The following ANKS1B variants were observed in gnomAD, a reference collection of about 807,000 sequenced individuals.
The protein encoded by ANKS1B is ankyrin repeat and sterile alpha motif domain-containing protein 1B.
A neutral mutation model predicts 148.3 loss-of-function variants in ANKS1B; 36 were observed. That is an observed-to-expected ratio of 0.24 (90% CI 0.19 to 0.32). The LOEUF (loss-of-function observed/expected upper bound fraction) is 0.32. Among genes scored for constraint, ANKS1B ranks in the 10% least tolerant of loss-of-function variants. The pLI is 1.00. For synonymous variants in ANKS1B, 542 were observed against 560.8 expected (o/e 0.97, Z 0.47); for missense variants, 1,157 against 1,542.6 (o/e 0.75, Z 4.19).
intron 12 of ANKS1B, among the ~76,000 whole-genome samples, chr12:99,251,291 A>G (rs1602079302): frequency 6.6e-6 from 1 of 152,172 alleles, no homozygotes; most frequent in Non-Finnish European, 1.5e-5. Flanking sequence ...TTTCATTTTT[A>G]TAAAGAAATA....
intron 17 of ANKS1B, among the ~76,000 whole-genome samples, chr12:98,872,465 C>A (rs1372199501): frequency 1.3e-5 from 2 of 152,008 alleles, no homozygotes; most frequent in Admixed American, 1.3e-4. Flanking sequence ...CTTGAGTCCA[C>A]GAGTTGGAGG....
At chr12:99,672,439 C>T (rs1599349789) in intron 8 of ANKS1B, among the ~76,000 whole-genome samples, 1 of 152,228 alleles carries the variant, frequency 6.6e-6, no homozygotes. Context: ...ACATATCTGA[C>T]CCTGTGCCAC....
Position 98,744,096 on chromosome 12 carries a change from AGCTCCTATTAACTTT to A in ANKS1B, c.*1628_*1642del, listed in dbSNP as rs1320757666. ...TACACATATGCTTCTGTTTCAGCAA[AGCTCCTATTAACTTT>A]GCTCCTATACAATTGCCTCCTGGTA... is the stretch of plus-strand genomic sequence containing the variant. On this transcript the variant is annotated 3_prime_UTR_variant, in exon 27 of 27. Transcript: ENST00000683438. The A allele has an allele frequency of 9.1e-6, 9 of 985,186 alleles. No homozygotes were observed. Among genetic ancestry groups the A allele is most frequent in the African/African-American group, 1.7e-5 (1 of 57,228 alleles). 61.0% of individuals were successfully genotyped at this position (985,186 alleles called of 1,614,324 possible).
In ANKS1B at chr12:99,246,467, T is replaced by C; in HGVS notation, c.2154A>G (p.Arg718=). The C allele has an allele frequency of 6.2e-7, 1 of 1,613,814 alleles. No homozygotes were observed. The highest frequency in any genetic ancestry group is 8.5e-7 in the Non-Finnish European group (1 of 1,179,838). Reference sequence around the variant, plus strand: ...TCAAGGCTTTAGGCAATGACCTTATTCTCCCCAGAGTACAGGCTCTCTCCA... The same window carrying C: ...TCAAGGCTTTAGGCAATGACCTTATCCTCCCCAGAGTACAGGCTCTCTCCA... The part of the protein sequence containing the change: ...GFVERACTLG[R]IRSLPKALID... Residue 718 remains arginine, a synonymous_variant, in exon 13 of 27, where the codon AGA becomes AGG. Coordinates refer to ENST00000683438, the MANE Select transcript of ANKS1B (RefSeq NM_001352186.2).
chr12:99,885,138 T>G lies in ANKS1B; in HGVS notation c.135-59749A>C, dbSNP rs560690547. Among the ~76,000 whole-genome samples the G allele has an allele frequency of 3.9e-5, 6 of 152,170 alleles. No individual in the cohort carries two copies. The South Asian group carries it at 1.0e-3, about 26-fold the overall frequency. ...TCACATTCTATTTCTTCTGAAATGTTTCTTCCCATCCTCTCTTCCCTACTT... is the reference window on the plus strand; with the variant it reads ...TCACATTCTATTTCTTCTGAAATGTGTCTTCCCATCCTCTCTTCCCTACTT... On this transcript the variant is annotated intron_variant, in intron 1 of 26. Transcript: ENST00000683438.
rs1371349961 is a variant in ANKS1B at position 99,664,806 on chromosome 12, C to T, written c.1129-9596G>A. 2.6e-5 allele frequency among the ~76,000 whole-genome samples: 4 copies of T among 152,266 alleles called. No individual in the cohort carries two copies. In the East Asian group the frequency reaches 5.8e-4, roughly 22 times the overall value. Reference sequence around the variant, plus strand: ...ATAAGTTTTCTGTAAAGCTTATTAACACTAAACATCTGTTTAAAATTTTCT... The same window carrying T: ...ATAAGTTTTCTGTAAAGCTTATTAATACTAAACATCTGTTTAAAATTTTCT... On this transcript the variant is annotated intron_variant, in intron 8 of 26. Transcript: ENST00000683438.
chr12:98,736,765 T>C (rs186603895), intron 9 of ANKS1B, among the ~76,000 whole-genome samples: 2 of 152,266 alleles, frequency 1.3e-5, no homozygotes, highest in South Asian at 2.1e-4. Flanking sequence ...AGTTGCAAAT[T>C]AGTGTGGTAA....
chr12:99,953,051 A>T (rs1390252846), intron 1 of ANKS1B, among the ~76,000 whole-genome samples: 1 of 152,212 alleles, frequency 6.6e-6, no homozygotes, highest in Non-Finnish European at 1.5e-5. Flanking sequence ...GCTCAAGATA[A>T]AGGTCAGAAT....
chr12:99,553,587 C>T (rs910897108), intron 9 of ANKS1B, among the ~76,000 whole-genome samples: 1 of 152,136 alleles, frequency 6.6e-6, no homozygotes, highest in African/African-American at 2.4e-5. Flanking sequence ...CAGTCATAGA[C>T]AATATATAAC....
chr12:99,559,465 C>T (rs1025545841), intron 9 of ANKS1B, among the ~76,000 whole-genome samples: 2 of 152,144 alleles, frequency 1.3e-5, no homozygotes, highest in Non-Finnish European at 2.9e-5. Context: ...ATGTACTTGA[C>T]AAATTAACAA....
chr12:98,871,938 C>T (rs897514372), intron 17 of ANKS1B, among the ~76,000 whole-genome samples: 4 of 151,936 alleles, frequency 2.6e-5, no homozygotes, highest in African/African-American at 9.7e-5. Context: ...CAATGAGTGA[C>T]GAGCTCTATA....
intron 14 of ANKS1B, among the ~76,000 whole-genome samples, chr12:99,177,564 G>A (rs192266191): frequency 1.3e-5 from 2 of 152,316 alleles, no homozygotes; most frequent in Non-Finnish European, 2.9e-5. Flanking sequence ...GAAAACAGCA[G>A]GGACACAAGC....
intron 14 of ANKS1B, among the ~76,000 whole-genome samples, chr12:99,196,851 T>G (rs373356515): frequency 6.6e-6 from 1 of 152,122 alleles, no homozygotes; most frequent in African/African-American, 2.4e-5. Flanking sequence ...GTAAATTGTG[T>G]CCTCAAATCT....
intron 17 of ANKS1B, among the ~76,000 whole-genome samples, chr12:99,002,858 T>A (rs2099933876): frequency 6.6e-6 from 1 of 152,216 alleles, no homozygotes; most frequent in Non-Finnish European, 1.5e-5. Flanking sequence ...ATTTGCGTAT[T>A]TATGCTTTTG....
At position 99,405,879 on chromosome 12, in the gene ANKS1B, C is replaced by T. The variant is rs1439700982; in HGVS notation, c.1576-6068G>A. Among the ~76,000 whole-genome samples the T allele has an allele frequency of 3.5e-5, 5 of 144,876 alleles. 1 individual carries two copies. The highest frequency in any genetic ancestry group is 6.1e-5 in the Non-Finnish European group (4 of 65,598). On this transcript the variant is annotated intron_variant, in intron 11 of 26. Transcript: ENST00000683438. The stretch of plus-strand genomic sequence containing the variant: ...CATGCAAATAAAAATCAAAAAAGAG[C>T]AGTCGTAGCTATACTGATATGACAA...
rs2098102855 is a variant in ANKS1B at position 98,751,898 on chromosome 12, A to G, written c.3580-376T>C. ...AGGAAATTTCCTGTGGACAAAAGAC[A>G]GAGCTCAAAGTCATGCCTCTGCTCA... On this transcript the variant is annotated intron_variant, in intron 25 of 26. Transcript: ENST00000683438. The surrounding 1 kb of genome is among the most constrained non-coding windows in gnomAD (Gnocchi z 4.3). 6.6e-6 allele frequency among the ~76,000 whole-genome samples: 1 copy of G among 152,260 alleles called. No individual in the cohort carries two copies. The highest frequency in any genetic ancestry group is 6.5e-5 in the Admixed American group (1 of 15,278).
At chr12:99,699,657 T>A (rs1251074841) in intron 8 of ANKS1B, among the ~76,000 whole-genome samples, 1 of 152,158 alleles carries the variant, frequency 6.6e-6, no homozygotes, top group African/African-American at 2.4e-5. Context: ...ATACAAAAAT[T>A]AAGTAATTTG....
intron 8 of ANKS1B, among the ~76,000 whole-genome samples, chr12:99,674,903 C>G (rs549437716): frequency 1.3e-5 from 2 of 151,850 alleles, no homozygotes; most frequent in Non-Finnish European, 3.0e-5. Flanking sequence ...TGCAAAGACT[C>G]TATATACCAG....
At chr12:99,155,155 G>T in intron 14 of ANKS1B, 3 of 1,446,932 alleles carry the variant, frequency 2.1e-6, no homozygotes, top group Non-Finnish European at 2.7e-6. Context: ...TTGAACTATA[G>T]CTTATAACAG....
Sources: allele counts gnomAD v4.1 joint callset (sites outside exome capture counted in the v4.1 genomes callset), GRCh38; gene constraint gnomAD v4.1.1; non-coding constraint Gnocchi (gnomAD v3.1); transcripts MANE v1.5; gene names NCBI Gene and HGNC (gene_info 2026-07-23, HGNC 2026-07-21).